Variants in TANC1 observed in about 807,000 individuals in gnomAD.
TANC1 encodes protein TANC1.
In TANC1, 77 loss-of-function variants were observed where a neutral mutation model predicts 149.7. That is an observed-to-expected ratio of 0.51 (90% confidence interval 0.43 to 0.62). TANC1 has a LOEUF of 0.62. TANC1 is among the 20% of genes least tolerant of loss of function. TANC1 has a pLI of 0.00. For synonymous variants in TANC1, 854 were observed against 925.0 expected (o/e 0.92, Z 1.39); for missense variants, 1,985 against 2,321.8 (o/e 0.85, Z 2.98).
chr2:159,040,486 C>A (rs1186839847), intron 2 of TANC1, among the ~76,000 whole-genome samples: 1 of 152,194 alleles, frequency 6.6e-6, no homozygotes, highest in Non-Finnish European at 1.5e-5. Context: ...CTAAACTTCT[C>A]TTCTCGCTTC....
intron 4 of TANC1, among the ~76,000 whole-genome samples, chr2:159,116,154 C>T (rs1456785959): frequency 2.0e-5 from 3 of 152,020 alleles, no homozygotes; most frequent in South Asian, 2.1e-4. Flanking sequence ...TGGCTGGGCG[C>T]GGTGGCTCAC....
chr2:159,090,064 C>T (rs745394984), intron 3 of TANC1, among the ~76,000 whole-genome samples: 4 of 152,142 alleles, frequency 2.6e-5, no homozygotes, highest in African/African-American at 7.2e-5. Context: ...ACCATCTAAA[C>T]GTGTGTATCT....
In TANC1 at chr2:159,169,308, T is replaced by A; in HGVS notation, c.1005T>A (p.Pro335=). 1 of 1,613,844 alleles carries A rather than the reference T, an allele frequency of 6.2e-7. No individual in the cohort carries two copies. Among genetic ancestry groups the A allele is most frequent in the Admixed American group, 1.7e-5 (1 of 60,028 alleles). Residue 335 remains proline (P), a synonymous_variant, in exon 9 of 27, where the codon CCT becomes CCA. Coordinates refer to ENST00000263635, the MANE Select transcript of TANC1 (RefSeq NM_033394.3). ...LSYLDGQRNA[P]LRTSIRLPWH... ...ATTTAGACGGGCAGAGAAATGCTCC[T>A]CTACGGACGTCAATTAGATTACCAT...
intron 3 of TANC1, among the ~76,000 whole-genome samples, chr2:159,084,267 C>T (rs545145817): frequency 1.1e-4 from 17 of 151,820 alleles, no homozygotes; most frequent in East Asian, 5.8e-4. Context: ...AAAAAAAATT[C>T]GGTCATTTCA....
rs10602195 is a variant in TANC1 at position 158,981,491 on chromosome 2, TTATATATATATA to T, written c.-126+12750_-126+12761del. 7.9e-3 allele frequency among the ~76,000 whole-genome samples: 270 copies of T among 34,330 alleles called. 2 individuals carry two copies. Among genetic ancestry groups the T allele is most frequent in the East Asian group, 0.014 (8 of 560 alleles). The allele number at this position is 34,330 out of a possible 152,430, so 22.5% of individuals were successfully genotyped here. A position where few individuals can be genotyped will look rare whatever the true frequency, so the allele number is the denominator to read the frequency against. On this transcript the variant is annotated intron_variant, in intron 1 of 26. Coordinates refer to ENST00000263635, the MANE Select transcript of TANC1 (RefSeq NM_033394.3). Reference sequence around the variant, plus strand: ...AAGTTTAGCAATTAATATATAGCTTTTATATATATATATATATATATATATATATATATATAT... The same window carrying T: ...AAGTTTAGCAATTAATATATAGCTTTTATATATATATATATATATATATAT...
At chr2:159,055,864 A>C (rs191162306) in intron 2 of TANC1, 1 of 164,576 alleles carries the variant, frequency 6.1e-6, no homozygotes, top group African/African-American at 2.4e-5. Flanking sequence ...GGAATTGCAC[A>C]GCATAGCTTA....
At chr2:159,087,800 T>G (rs908013150) in intron 3 of TANC1, among the ~76,000 whole-genome samples, 2 of 150,624 alleles carry the variant, frequency 1.3e-5, no homozygotes, top group African/African-American at 4.9e-5. Flanking sequence ...GTGATCCTGT[T>G]TGGAAATTTG....
At chr2:159,091,044 T>C (rs1228044142) in intron 3 of TANC1, among the ~76,000 whole-genome samples, 3 of 151,854 alleles carry the variant, frequency 2.0e-5, no homozygotes, top group Admixed American at 6.6e-5. Context: ...GTTTTTTTTT[T>C]CTTCCCCTCT....
chr2:159,097,961 G>T lies in TANC1; in HGVS notation c.259+127G>T, dbSNP rs1014039057. On this transcript the variant is annotated intron_variant, in intron 4 of 26. Transcript: ENST00000263635. Reference sequence around the variant, plus strand: ...TTCTTTGTCGCAGTATCTTCTAGAAGAAATAAATCTTTTTTTTTTTTTAAT... The same window carrying T: ...TTCTTTGTCGCAGTATCTTCTAGAATAAATAAATCTTTTTTTTTTTTTAAT... 2.0e-5 allele frequency: 15 copies of T among 747,438 alleles called. No individual in the cohort carries two copies. In the Admixed American group the frequency reaches 3.6e-4, roughly 18 times the overall value. 46.3% of individuals were successfully genotyped at this position (747,438 alleles called of 1,614,324 possible).
chr2:159,073,744 T>C (rs2043376135), intron 3 of TANC1, among the ~76,000 whole-genome samples: 1 of 152,228 alleles, frequency 6.6e-6, no homozygotes, highest in Non-Finnish European at 1.5e-5. Context: ...AGTTTCATCT[T>C]TGCTTTTCCA....
chr2:159,231,637 T>C lies in TANC1; in HGVS notation c.*625T>C, dbSNP rs1348655964. The C allele has an allele frequency of 8.8e-6, 1 of 113,826 alleles. No individual in the cohort carries two copies. Among genetic ancestry groups the C allele is most frequent in the Admixed American group, 1.1e-4 (1 of 8,878 alleles). 7.1% of individuals were successfully genotyped at this position (113,826 alleles called of 1,614,324 possible). On this transcript the variant is annotated 3_prime_UTR_variant, in exon 27 of 27. Coordinates refer to ENST00000263635, the MANE Select transcript of TANC1 (RefSeq NM_033394.3). ...ACTTATTTCTGTGTTATGGTTCTTA[T>C]TCATATATTTTTATAGCACTTTTGG...
intron 7 of TANC1, among the ~76,000 whole-genome samples, chr2:159,161,829 G>A (rs2054074528): frequency 6.6e-6 from 1 of 152,204 alleles, no homozygotes; most frequent in Admixed American, 6.5e-5. Context: ...TCTGGTAAGT[G>A]AGATTAAGTG....
chr2:159,113,254 A>C (rs533931964), intron 4 of TANC1, among the ~76,000 whole-genome samples: 1 of 152,316 alleles, frequency 6.6e-6, no homozygotes, highest in Non-Finnish European at 1.5e-5. Context: ...AGTTTAAGCA[A>C]ATCTTAGCTG....
intron 24 of TANC1, chr2:159,226,607 G>C (rs1297873277): frequency 6.6e-6 from 1 of 152,172 alleles, no homozygotes; most frequent in Non-Finnish European, 1.5e-5. Flanking sequence ...TTACTCAGAA[G>C]ACTGAATTAA....
chr2:159,200,400 T>C (rs1158309421), intron 19 of TANC1, among the ~76,000 whole-genome samples: 2 of 152,186 alleles, frequency 1.3e-5, no homozygotes, highest in East Asian at 3.8e-4. Flanking sequence ...AAGCCTGACA[T>C]AGGGTGACAC....
rs183487792 is a variant in TANC1, at chr2:159,159,875, G to T, written c.683-3408G>T. ...ACGCCCTGTTATATTAAGAAAGTGA[G>T]CCAGGTGCAATGATGTGTGCCTATA... On this transcript the variant is annotated intron_variant, in intron 7 of 26. Transcript: ENST00000263635. Among the ~76,000 whole-genome samples the T allele has an allele frequency of 3.7e-3, 563 of 152,122 alleles. 4 individuals are homozygous for T. Among genetic ancestry groups the T allele is most frequent in the Non-Finnish European group, 3.4e-3 (228 of 67,980 alleles).
rs961690511 is a variant in TANC1, at chr2:159,196,937, CA to C, written c.3165+145del. On this transcript the variant is annotated intron_variant, in intron 18 of 26. Transcript: ENST00000263635. Reference sequence around the variant, plus strand: ...CCTGCAGTAGAAGGTCTTCTATGGGCACCACATCCTTCCCGTGAGTGACAGT... The same window carrying C: ...CCTGCAGTAGAAGGTCTTCTATGGGCCCACATCCTTCCCGTGAGTGACAGT... 151 of 702,414 alleles carry C rather than the reference CA, an allele frequency of 2.1e-4. 1 individual carries two copies. In the African/African-American group the frequency reaches 2.4e-3, roughly 11 times the overall value. The allele number at this position is 702,414 out of a possible 1,614,324, so 43.5% of individuals were successfully genotyped here.
intron 16 of TANC1, among the ~76,000 whole-genome samples, chr2:159,192,814 A>G (rs2057550446): frequency 6.6e-6 from 1 of 151,866 alleles, no homozygotes; most frequent in Non-Finnish European, 1.5e-5. Flanking sequence ...CACGCTGGCT[A>G]ATTTTTGTAT....
intron 1 of TANC1, among the ~76,000 whole-genome samples, chr2:158,982,162 A>G (rs1039697027): frequency 1.3e-5 from 2 of 152,338 alleles, no homozygotes; most frequent in Admixed American, 6.5e-5. Context: ...AGCTGTCATA[A>G]GCAGCTCCCA....
Sources: allele counts gnomAD v4.1 joint callset (sites outside exome capture counted in the v4.1 genomes callset), GRCh38; gene constraint gnomAD v4.1.1; transcripts MANE v1.5; gene names NCBI Gene and HGNC (gene_info 2026-07-23, HGNC 2026-07-21).